FAT3: variants seen among roughly 807,000 people sequenced by gnomAD.
The protein encoded by FAT3 is FAT atypical cadherin 3, also known as protocadherin Fat 3.
Under a neutral mutation model 310.2 loss-of-function variants are expected in FAT3, and 95 were observed. The ratio of observed to expected loss-of-function variants is 0.31; its 90% CI spans 0.26 to 0.36. FAT3 has a LOEUF of 0.36. Ranked by LOEUF, FAT3 falls within the 10% of genes least tolerant of loss-of-function variation. The pLI is 1.00. For missense variants in FAT3, 5,408 were observed against 5,715.6 expected (o/e 0.95, Z 1.74); for synonymous variants, 2,314 against 2,192.9 (o/e 1.06, Z -1.54).
In FAT3 at chr11:92,892,029, A is replaced by C. The variant is rs1454579144; in HGVS notation, c.*916A>C. ...CAGGGGGGAAAAAAGAAAAAACGAT[A>C]CCTTCAAAGTTTGCGGCCTAGATAA... On this transcript the variant is annotated 3_prime_UTR_variant, in exon 28 of 28. Coordinates refer to ENST00000525166, the MANE Select transcript of FAT3 (RefSeq NM_001367949.2). 1.3e-5 allele frequency: 2 copies of C among 152,142 alleles called. No individual in the cohort carries two copies. Among genetic ancestry groups the C allele is most frequent in the African/African-American group, 4.8e-5 (2 of 41,438 alleles). The allele number at this position is 152,142 out of a possible 1,614,324, so 9.4% of individuals were successfully genotyped here.
chr11:92,859,438 A>T, intron 21 of FAT3, 116 bp downstream of exon 21: 1 of 1,068,666 alleles, frequency 9.4e-7, no homozygotes, highest in Non-Finnish European at 1.3e-6. Flanking sequence ...CCAGAAGCAG[A>T]CTTCTGGGCA....
chr11:92,817,896 G>A (rs1947863495), intron 13 of FAT3, among the ~76,000 whole-genome samples: 1 of 152,086 alleles, frequency 6.6e-6, no homozygotes, highest in African/African-American at 2.4e-5. Context: ...GCCATTAACC[G>A]AGACTTAGGA....
intron 1 of FAT3, among the ~76,000 whole-genome samples, chr11:92,304,915 C>A (rs959453668): frequency 3.9e-5 from 6 of 152,034 alleles, no homozygotes; most frequent in Admixed American, 2.0e-4. Context: ...CCAACCCAGG[C>A]ATGAAAACTA....
chr11:92,642,541 T>C (rs1377015165), intron 3 of FAT3, among the ~76,000 whole-genome samples: 1 of 152,266 alleles, frequency 6.6e-6, no homozygotes, highest in East Asian at 1.9e-4. Flanking sequence ...TCACAGACTA[T>C]ATTTAAATCA....
chr11:92,376,403 A>G (rs1173240717), intron 2 of FAT3, among the ~76,000 whole-genome samples: 2 of 152,166 alleles, frequency 1.3e-5, no homozygotes, highest in African/African-American at 4.8e-5. Context: ...AACAGTGGGA[A>G]AGCAGCCTGT....
At chr11:92,791,464 G>C (rs1591737181) in intron 8 of FAT3, among the ~76,000 whole-genome samples, 1 of 152,188 alleles carries the variant, frequency 6.6e-6, no homozygotes, top group Admixed American at 6.5e-5. Context: ...TTGTGCTAGT[G>C]ACTAACTCCA....
In FAT3 at chr11:92,499,614, T is replaced by C. The variant is rs541662296; in HGVS notation, c.3293-25020T>C. Among the ~76,000 whole-genome samples the C allele has an allele frequency of 2.8e-4, 42 of 152,126 alleles. No individual in the cohort carries two copies. In the South Asian group the frequency reaches 8.1e-3, roughly 29 times the overall value. The stretch of plus-strand genomic sequence containing the variant: ...AAAAAATTTGCAGAGACCCTGACCC[T>C]AGCTGACTGCCCAGCATCCACATCT... On this transcript the variant is annotated intron_variant, in intron 2 of 27. Transcript: ENST00000525166.
At chr11:92,848,085 A>T (rs1948733364) in intron 19 of FAT3, among the ~76,000 whole-genome samples, 1 of 151,996 alleles carries the variant, frequency 6.6e-6, no homozygotes, top group Non-Finnish European at 1.5e-5. Flanking sequence ...GTAACTGTCC[A>T]CTCTGGGCTG....
chr11:92,567,233 A>G lies in FAT3; in HGVS notation c.3607+42285A>G, dbSNP rs1390082644. ...ATCAAAAAGTGGGCGAAGGACATGAACAGACACTTCTCAAAAGAAGACATT... is the reference window on the plus strand; with the variant it reads ...ATCAAAAAGTGGGCGAAGGACATGAGCAGACACTTCTCAAAAGAAGACATT... On this transcript the variant is annotated intron_variant, in intron 3 of 27. Coordinates refer to ENST00000525166, the MANE Select transcript of FAT3 (RefSeq NM_001367949.2). 1.8e-5 allele frequency among the ~76,000 whole-genome samples: 2 copies of G among 112,388 alleles called. 1 individual carries two copies. The highest frequency in any genetic ancestry group is 3.8e-5 in the Non-Finnish European group (2 of 52,814). 73.7% of individuals were successfully genotyped at this position (112,388 alleles called of 152,430 possible). A position where few individuals can be genotyped will look rare whatever the true frequency, so the allele number is the denominator to read the frequency against.
rs556916349 is a variant in FAT3, at chr11:92,722,740, C to T, written c.3669+25295C>T. Reference sequence around the variant, plus strand: ...GATGTTCCCAAACCTCAATAATTTACTTCTGTGCACTCACAGGCTCAATAC... The same window carrying T: ...GATGTTCCCAAACCTCAATAATTTATTTCTGTGCACTCACAGGCTCAATAC... On this transcript the variant is annotated intron_variant, in intron 4 of 27. Transcript: ENST00000525166. 1.4e-3 allele frequency among the ~76,000 whole-genome samples: 211 copies of T among 152,338 alleles called. 1 individual carries two copies. The highest frequency in any genetic ancestry group is 2.6e-3 in the Non-Finnish European group (179 of 68,040).
intron 3 of FAT3, among the ~76,000 whole-genome samples, chr11:92,676,881 ATTAAAGTACTAAGTACAGGCACAG>A (rs984855851): frequency 6.6e-5 from 10 of 152,234 alleles, no homozygotes; most frequent in African/African-American, 2.4e-4. Flanking sequence ...ACTGGCACTT[ATTAAAGTACTAAGTACAGGCACAG>A]TGCAAAGGAG....
At chr11:92,379,708 C>A (rs540796976) in intron 2 of FAT3, among the ~76,000 whole-genome samples, 1 of 152,146 alleles carries the variant, frequency 6.6e-6, no homozygotes, top group African/African-American at 2.4e-5. Flanking sequence ...GAGATGTGAT[C>A]AAAAACATCA....
chr11:92,302,119 G>T (rs973518629), intron 1 of FAT3, among the ~76,000 whole-genome samples: 4 of 152,054 alleles, frequency 2.6e-5, no homozygotes, highest in Admixed American at 2.0e-4. Context: ...TATGGTATAT[G>T]ACCTACTCCA....
intron 4 of FAT3, among the ~76,000 whole-genome samples, chr11:92,726,845 C>T (rs1945016759): frequency 6.6e-6 from 1 of 151,136 alleles, no homozygotes; most frequent in African/African-American, 2.4e-5. Context: ...AAAGCAAAAA[C>T]TGTCCAAAAC....
At chr11:92,682,518 A>G (rs1168396515) in intron 3 of FAT3, among the ~76,000 whole-genome samples, 1 of 152,254 alleles carries the variant, frequency 6.6e-6, no homozygotes, top group Non-Finnish European at 1.5e-5. Flanking sequence ...ATGCAGAGCC[A>G]ACGTAATAAT....
chr11:92,671,716 A>G (rs956355859), intron 3 of FAT3, among the ~76,000 whole-genome samples: 1 of 152,168 alleles, frequency 6.6e-6, no homozygotes, highest in East Asian at 1.9e-4. Flanking sequence ...GAAGGCATGC[A>G]TCGGATCTGT....
At chr11:92,398,652 G>C (rs139152092) in intron 2 of FAT3, among the ~76,000 whole-genome samples, 98 of 152,172 alleles carry the variant, frequency 6.4e-4, no homozygotes, top group African/African-American at 2.1e-3. Context: ...ATACTTGGGT[G>C]GGGGATACCT....
At chr11:92,494,879 C>A (rs1952709899) in intron 2 of FAT3, among the ~76,000 whole-genome samples, 1 of 152,044 alleles carries the variant, frequency 6.6e-6, no homozygotes, top group African/African-American at 2.4e-5. Context: ...GTAATCCCAA[C>A]ACATTAATAA....
chr11:92,509,489 A>G (rs1228252896), intron 2 of FAT3, among the ~76,000 whole-genome samples: 1 of 152,196 alleles, frequency 6.6e-6, no homozygotes, highest in African/African-American at 2.4e-5. Flanking sequence ...GTAAATGGTA[A>G]ACATCACATG....
Sources: allele counts gnomAD v4.1 joint callset (sites outside exome capture counted in the v4.1 genomes callset), GRCh38; gene constraint gnomAD v4.1.1; transcripts MANE v1.5; gene names NCBI Gene and HGNC (gene_info 2026-07-23, HGNC 2026-07-21).